Variants in PRICKLE2 observed in about 807,000 individuals in gnomAD.
PRICKLE2 encodes prickle-like protein 2.
In PRICKLE2, 21 loss-of-function variants were observed where a neutral mutation model predicts 81.4. The ratio of observed to expected loss-of-function variants is 0.26; its 90% CI spans 0.18 to 0.37. The LOEUF (loss-of-function observed/expected upper bound fraction) is 0.37, where lower values mean the gene tolerates loss of function less well. Among genes scored for constraint, PRICKLE2 ranks in the 10% least tolerant of loss-of-function variants. The probability of loss-of-function intolerance (pLI) is 1.00; values close to 1 mark genes in which losing one functional copy is unlikely to be tolerated. For synonymous variants in PRICKLE2, 456 were observed against 421.5 expected (o/e 1.08, Z -1.00); for missense variants, 940 against 1,109.0 (o/e 0.85, Z 2.16).
intron 1 of PRICKLE2, among the ~76,000 whole-genome samples, chr3:64,208,607 T>C (rs979749483): frequency 1.3e-5 from 2 of 152,198 alleles, no homozygotes; most frequent in Non-Finnish European, 2.9e-5. Flanking sequence ...TGACTGAGGA[T>C]GGCAGGTGAG....
chr3:64,249,696 A>T (rs1172302449), intron 2 of PRICKLE2, among the ~76,000 whole-genome samples: 1 of 152,192 alleles, frequency 6.6e-6, no homozygotes, highest in Non-Finnish European at 1.5e-5. Context: ...ATGTTATGTC[A>T]TCCAGGTCTG....
At chr3:64,122,271 A>T (rs2106969578) in intron 7 of PRICKLE2, among the ~76,000 whole-genome samples, 1 of 152,244 alleles carries the variant, frequency 6.6e-6, no homozygotes, top group Non-Finnish European at 1.5e-5. Context: ...ATTAGTCAAA[A>T]CCTGCTAACA....
chr3:64,176,733 A>G (rs1439046491), intron 2 of PRICKLE2, among the ~76,000 whole-genome samples: 2 of 152,238 alleles, frequency 1.3e-5, no homozygotes, highest in African/African-American at 4.8e-5. Flanking sequence ...AGAAAATATG[A>G]AAATGAAGGA....
chr3:64,249,087 C>G (rs1268883370), intron 2 of PRICKLE2, among the ~76,000 whole-genome samples: 1 of 152,104 alleles, frequency 6.6e-6, no homozygotes, highest in African/African-American at 2.4e-5. Flanking sequence ...TAAAGAACTA[C>G]CTGAGACTGG....
chr3:64,106,918 T>C (rs544667059), intron 7 of PRICKLE2, among the ~76,000 whole-genome samples: 6 of 152,336 alleles, frequency 3.9e-5, no homozygotes, highest in Admixed American at 1.3e-4. Context: ...TCCCACCTGA[T>C]GGCAAGGAGA....
At chr3:64,264,917 A>G (rs774753091) in intron 2 of PRICKLE2, among the ~76,000 whole-genome samples, 2 of 152,284 alleles carry the variant, frequency 1.3e-5, no homozygotes, top group Non-Finnish European at 1.5e-5. Flanking sequence ...CTGGCTGTTA[A>G]AAGTCAAATA....
intron 3 of PRICKLE2, among the ~76,000 whole-genome samples, chr3:64,161,443 C>G (rs1288896499): frequency 2.0e-5 from 3 of 152,062 alleles, no homozygotes; most frequent in Non-Finnish European, 4.4e-5. Flanking sequence ...ATTTGAAAAC[C>G]AGGACAGCTG....
At chr3:64,149,109 T>C (rs1255764322) in intron 6 of PRICKLE2, among the ~76,000 whole-genome samples, 1 of 152,210 alleles carries the variant, frequency 6.6e-6, no homozygotes, top group Non-Finnish European at 1.5e-5. Context: ...GCCAGGTTTA[T>C]ATAGCCTGGC....
At chr3:64,125,147 A>G (rs901726077) in intron 7 of PRICKLE2, among the ~76,000 whole-genome samples, 2 of 152,228 alleles carry the variant, frequency 1.3e-5, no homozygotes, top group Non-Finnish European at 2.9e-5. Context: ...TAGTGGAAAT[A>G]GCAAGAAAAC....
chr3:64,205,996 G>A (rs2078681003), intron 1 of PRICKLE2, among the ~76,000 whole-genome samples: 1 of 152,180 alleles, frequency 6.6e-6, no homozygotes, highest in Non-Finnish European at 1.5e-5. Context: ...TATGAAGTAG[G>A]TGCTTGGTAA....
chr3:64,130,246 G>A (rs1305494881), intron 7 of PRICKLE2, among the ~76,000 whole-genome samples: 1 of 141,720 alleles, frequency 7.1e-6, no homozygotes, highest in South Asian at 2.4e-4. Flanking sequence ...CCACATCTCT[G>A]TTGATGCTAA....
chr3:64,216,934 T>G (rs1193373196), intron 1 of PRICKLE2, among the ~76,000 whole-genome samples: 1 of 152,172 alleles, frequency 6.6e-6, no homozygotes, highest in East Asian at 1.9e-4. Context: ...TTGACAGGCT[T>G]TCCTGGCAAC....
intron 3 of PRICKLE2, among the ~76,000 whole-genome samples, chr3:64,160,791 C>T (rs2077720319): frequency 1.3e-5 from 2 of 152,178 alleles, no homozygotes; most frequent in Admixed American, 1.3e-4. Flanking sequence ...CAGTATCTCC[C>T]CTTACTTATG....
intron 7 of PRICKLE2, chr3:64,101,482 T>G (rs1035379235): frequency 6.6e-6 from 1 of 152,216 alleles, no homozygotes; most frequent in African/African-American, 2.4e-5. Context: ...GGCAGGGGTT[T>G]GTCAGAAGGA....
chr3:64,224,573 C>T (rs1365432337), intron 1 of PRICKLE2, among the ~76,000 whole-genome samples: 2 of 152,166 alleles, frequency 1.3e-5, no homozygotes, highest in African/African-American at 4.8e-5. Flanking sequence ...TACATGAACG[C>T]TATCAGGTAT....
chr3:64,130,802 G>C (rs1344185310), intron 7 of PRICKLE2, among the ~76,000 whole-genome samples: 1 of 152,148 alleles, frequency 6.6e-6, no homozygotes, highest in Non-Finnish European at 1.5e-5. Context: ...GGAATCTTGG[G>C]GGTGGGGTCC....
At chr3:64,130,890 A>G (rs1473676969) in intron 7 of PRICKLE2, among the ~76,000 whole-genome samples, 1 of 152,190 alleles carries the variant, frequency 6.6e-6, no homozygotes, top group Non-Finnish European at 1.5e-5. Flanking sequence ...TGGGTATTTT[A>G]GCCTCTGCCT....
chr3:64,146,414 A>T lies in PRICKLE2; in HGVS notation c.1660+416T>A. On this transcript the variant is annotated intron_variant, in intron 7 of 7. Transcript: ENST00000638394. ...TTGGGTTTACCTTCCTCAGCAGCCT[A>T]TTAGAAGAGGGCACGTGGCAGAAAC... The T allele has an allele frequency of 2.2e-5, 5 of 227,890 alleles. No individual in the cohort carries two copies. The South Asian group carries it at 2.6e-4, about 12-fold the overall frequency. The allele number at this position is 227,890 out of a possible 1,614,324, so 14.1% of individuals were successfully genotyped here. A position where few individuals can be genotyped will look rare whatever the true frequency, so the allele number is the denominator to read the frequency against.
Position 64,117,404 on chromosome 3 carries a change from T to C in PRICKLE2, c.1661-17479A>G, listed in dbSNP as rs977872825. On this transcript the variant is annotated intron_variant, in intron 7 of 7. Transcript: ENST00000638394. ...GCACTCCAAATAGGAAGAGGGAAAG[T>C]CAAATCATCCCTGTTTGCAGATGAC... is the stretch of plus-strand genomic sequence containing the variant. Among the ~76,000 whole-genome samples the C allele has an allele frequency of 8.5e-5, 13 of 152,088 alleles. No homozygotes were observed. The East Asian group carries it at 2.5e-3, about 29-fold the overall frequency.
Sources: gnomAD v4.1 joint callset for allele counts (sites outside exome capture counted in the v4.1 genomes callset) on GRCh38, gnomAD v4.1.1 for gene constraint, MANE v1.5 for transcripts, NCBI Gene and HGNC (gene_info 2026-07-23, HGNC 2026-07-21) for gene names.